CPLX1: variants seen among roughly 807,000 people sequenced by gnomAD.
The protein encoded by CPLX1 is complexin 1.
In CPLX1, 6 loss-of-function variants were observed where a neutral mutation model predicts 15.6. The observed-to-expected ratio is 0.39, with a 90% CI of 0.21 to 0.76. The LOEUF is 0.76. Among genes scored for constraint, CPLX1 ranks in the 30% least tolerant of loss-of-function variants. CPLX1 has a pLI of 0.43. For synonymous variants in CPLX1, 91 were observed against 75.2 expected (o/e 1.21, Z -1.08); for missense variants, 242 against 188.6 (o/e 1.28, Z -1.66).
At chr4:823,176 C>T (rs1577000047) in intron 2 of CPLX1, among the ~76,000 whole-genome samples, 1 of 152,190 alleles carries the variant, frequency 6.6e-6, no homozygotes, top group Non-Finnish European at 1.5e-5. Context: ...CTGGGTGGAA[C>T]GTGCGTCCCT....
chr4:803,181 G>C (rs1332372186), intron 2 of CPLX1, among the ~76,000 whole-genome samples: 2 of 152,194 alleles, frequency 1.3e-5, no homozygotes, highest in Non-Finnish European at 2.9e-5. Context: ...GCAGAAAATG[G>C]ACAATGGTAA....
chr4:802,802 T>G (rs561610494), intron 2 of CPLX1, among the ~76,000 whole-genome samples: 1 of 152,130 alleles, frequency 6.6e-6, no homozygotes, highest in East Asian at 1.9e-4. Context: ...GATACAAAAA[T>G]TAGCTGGGCT....
At chr4:794,538 C>T (rs1746277792) in intron 2 of CPLX1, among the ~76,000 whole-genome samples, 1 of 152,254 alleles carries the variant, frequency 6.6e-6, no homozygotes, top group South Asian at 2.1e-4. Flanking sequence ...CTGGATTCTT[C>T]TAACAGTCCC....
chr4:795,625 C>A (rs1746310574), intron 2 of CPLX1, among the ~76,000 whole-genome samples: 1 of 152,288 alleles, frequency 6.6e-6, no homozygotes, highest in East Asian at 1.9e-4. Context: ...GCCTCAGCTT[C>A]CCCCCGTGAG....
At chr4:809,738 A>T (rs1176449263) in intron 2 of CPLX1, among the ~76,000 whole-genome samples, 1 of 152,214 alleles carries the variant, frequency 6.6e-6, no homozygotes, top group Non-Finnish European at 1.5e-5. Flanking sequence ...CTCGGGTTTC[A>T]TGGTGGCCTG....
chr4:799,291 C>G (rs141673755), intron 2 of CPLX1, among the ~76,000 whole-genome samples: 115 of 152,344 alleles, frequency 7.5e-4, no homozygotes, highest in Non-Finnish European at 1.4e-3. Flanking sequence ...TTTCATCGGT[C>G]GCATTTCTAC....
intron 2 of CPLX1, among the ~76,000 whole-genome samples, chr4:816,653 C>T (rs2152647918): frequency 6.6e-6 from 1 of 151,984 alleles, no homozygotes; most frequent in East Asian, 1.9e-4. Flanking sequence ...TGGTGGGACC[C>T]TGTCTTAAAA....
At chr4:824,409 C>A in intron 2 of CPLX1, 83 bp downstream of exon 2, 1 of 1,265,484 alleles carries the variant, frequency 7.9e-7, no homozygotes. Flanking sequence ...GGCGCTGCTG[C>A]GGTGGGCCAG....
intron 2 of CPLX1, among the ~76,000 whole-genome samples, chr4:800,735 AT>A (rs1343883573): frequency 0.044 from 845 of 19,180 alleles, 11 homozygotes; most frequent in East Asian, 0.17. Flanking sequence ...AAAAAAAAAA[AT>A]ATATATATAT....
chr4:824,479 T>TC lies in CPLX1; in HGVS notation c.31+12dup, dbSNP rs1560248922. 6.3e-7 allele frequency: 1 copy of TC among 1,580,408 alleles called. No homozygotes were observed. The highest frequency in any genetic ancestry group is 8.7e-7 in the Non-Finnish European group (1 of 1,150,690). ...CCCCTCAGCCCCTCCCCACCCCACC[T>TC]CCCGCTTCCTACCTCCTAGAGCCTG... On this transcript the variant is annotated intron_variant, in intron 2 of 3. Transcript: ENST00000304062.
intron 1 of CPLX1, chr4:824,804 C>A: frequency 1.5e-6 from 1 of 652,100 alleles, no homozygotes; most frequent in Non-Finnish European, 2.8e-6. Flanking sequence ...GTCTCCCCAG[C>A]TCCTGGGGTG....
intron 2 of CPLX1, among the ~76,000 whole-genome samples, chr4:814,120 A>C (rs908797350): frequency 2.6e-5 from 4 of 152,042 alleles, no homozygotes; most frequent in Admixed American, 6.5e-5. Flanking sequence ...TTTTCCCACC[A>C]CTTGCTCTGA....
chr4:786,318 G>A lies in CPLX1; in HGVS notation c.*183C>T, dbSNP rs1294193603. On this transcript the variant is annotated 3_prime_UTR_variant, in exon 4 of 4. Coordinates refer to ENST00000304062, the MANE Select transcript of CPLX1 (RefSeq NM_006651.4). ...GGGCAGAGGAGCACGGGGCGGACTG[G>A]GGGGGTCCTGGGGGCGCGCGCCCCT... 3.9e-6 allele frequency: 2 copies of A among 511,668 alleles called. No homozygotes were observed. Among genetic ancestry groups the A allele is most frequent in the Non-Finnish European group, 6.6e-6 (2 of 301,454 alleles). The allele number at this position is 511,668 out of a possible 1,614,324, so 31.7% of individuals were successfully genotyped here. A position where few individuals can be genotyped will look rare whatever the true frequency, so the allele number is the denominator to read the frequency against.
At chr4:789,903 GA>G (rs1746116422) in intron 3 of CPLX1, among the ~76,000 whole-genome samples, 1 of 76,632 alleles carries the variant, frequency 1.3e-5, no homozygotes, top group African/African-American at 8.5e-5. Flanking sequence ...GGCCACGCCT[GA>G]GGGCAGGGTT....
intron 2 of CPLX1, among the ~76,000 whole-genome samples, chr4:798,854 AG>A (rs1746398468): frequency 1.3e-5 from 2 of 152,384 alleles, no homozygotes; most frequent in South Asian, 4.1e-4. Flanking sequence ...AACTTCTAGA[AG>A]AAAACAGAAG....
chr4:814,851 T>C (rs1182188364), intron 2 of CPLX1, among the ~76,000 whole-genome samples: 1 of 152,272 alleles, frequency 6.6e-6, no homozygotes, highest in East Asian at 1.9e-4. Context: ...GTCGGGTAAC[T>C]AGCGTTCAAG....
Position 786,193 on chromosome 4 carries a change from C to G in CPLX1, c.*308G>C. 1 of 222,484 alleles carries G rather than the reference C, an allele frequency of 4.5e-6. No individual in the cohort carries two copies. Among genetic ancestry groups the G allele is most frequent in the Non-Finnish European group, 8.7e-6 (1 of 114,320 alleles). The allele number at this position is 222,484 out of a possible 1,614,324, so 13.8% of individuals were successfully genotyped here. The stretch of plus-strand genomic sequence containing the variant: ...GCGAACGCGCGCACAGGGGTGGTCG[C>G]GGGGCTGCCCTTCGGCGGCCCTGGC... On this transcript the variant is annotated 3_prime_UTR_variant, in exon 4 of 4. Transcript: ENST00000304062.
At chr4:806,234 T>C (rs1206168914) in intron 2 of CPLX1, among the ~76,000 whole-genome samples, 1 of 152,086 alleles carries the variant, frequency 6.6e-6, no homozygotes, top group Non-Finnish European at 1.5e-5. Context: ...AATAGAGAAC[T>C]CAGAAATAAG....
chr4:801,397 T>G (rs1243967545), intron 2 of CPLX1, among the ~76,000 whole-genome samples: 1 of 152,050 alleles, frequency 6.6e-6, no homozygotes, highest in African/African-American at 2.4e-5. Context: ...ACAAACAACC[T>G]GATTTTTAAA....
Sources: allele counts gnomAD v4.1 joint callset (sites outside exome capture counted in the v4.1 genomes callset), GRCh38; gene constraint gnomAD v4.1.1; transcripts MANE v1.5; gene names NCBI Gene and HGNC (gene_info 2026-07-23, HGNC 2026-07-21).